The following LUZP2 variants were observed in gnomAD, a reference collection of about 807,000 sequenced individuals.
LUZP2 encodes the protein leucine zipper protein 2.
A neutral mutation model predicts 51.6 loss-of-function variants in LUZP2; 52 were observed. The observed-to-expected ratio is 1.01, with a 90% CI of 0.81 to 1.27. The LOEUF is 1.27. LUZP2 is among the 50% of genes most tolerant of loss of function. The pLI, the probability that LUZP2 is intolerant of heterozygous loss-of-function variation, is 0.00. For missense variants in LUZP2, 436 were observed against 395.4 expected (o/e 1.10, Z -0.87); for synonymous variants, 154 against 137.3 (o/e 1.12, Z -0.85).
At chr11:25,009,014 GTCT>G (rs1333509055) in intron 9 of LUZP2, among the ~76,000 whole-genome samples, 1 of 152,116 alleles carries the variant, frequency 6.6e-6, no homozygotes, top group Non-Finnish European at 1.5e-5. Flanking sequence ...CCACTCCTTT[GTCT>G]TCTTAGGAAT....
At chr11:24,639,823 C>G (rs1855222724) in intron 1 of LUZP2, among the ~76,000 whole-genome samples, 1 of 151,834 alleles carries the variant, frequency 6.6e-6, no homozygotes, top group South Asian at 2.1e-4. Flanking sequence ...TGGACATTCT[C>G]TCTCACTGCA....
intron 4 of LUZP2, among the ~76,000 whole-genome samples, chr11:24,741,835 A>G (rs1232762917): frequency 7.1e-6 from 1 of 141,048 alleles, no homozygotes; most frequent in Non-Finnish European, 1.5e-5. Flanking sequence ...ATATATTTAT[A>G]TATATTTATA....
chr11:25,035,226 G>C (rs2133997332), intron 9 of LUZP2, among the ~76,000 whole-genome samples: 1 of 152,088 alleles, frequency 6.6e-6, no homozygotes, highest in South Asian at 2.1e-4. Context: ...TATCCAAATA[G>C]AAAGAGAAGA....
intron 4 of LUZP2, among the ~76,000 whole-genome samples, chr11:24,741,639 C>CT (rs1859146332): frequency 6.6e-6 from 1 of 151,106 alleles, no homozygotes; most frequent in African/African-American, 2.4e-5. Context: ...AGCTTAGCTC[C>CT]CACATATCAG....
Position 25,080,866 on chromosome 11 carries a change from T to C in LUZP2, c.*2208T>C, listed in dbSNP as rs1859441155. 6.6e-6 allele frequency: 1 copy of C among 152,122 alleles called. No homozygotes were observed. Among genetic ancestry groups the C allele is most frequent in the African/African-American group, 2.4e-5 (1 of 41,440 alleles). The allele number at this position is 152,122 out of a possible 1,614,324, so 9.4% of individuals were successfully genotyped here. ...AAAAAAAAGAAGAATCAGGCTGTTA[T>C]TTCCTGAAATTGTTATGAGAGATAA... On this transcript the variant is annotated 3_prime_UTR_variant, in exon 12 of 12. Coordinates refer to ENST00000336930, the MANE Select transcript of LUZP2 (RefSeq NM_001009909.4).
chr11:24,542,810 A>G (rs1018093717), intron 1 of LUZP2, among the ~76,000 whole-genome samples: 2 of 152,170 alleles, frequency 1.3e-5, no homozygotes, highest in Middle Eastern at 3.4e-3. Context: ...GCAAAAGACT[A>G]CATTTATGTA....
chr11:24,542,220 T>A (rs1851389783), intron 1 of LUZP2, among the ~76,000 whole-genome samples: 1 of 152,038 alleles, frequency 6.6e-6, no homozygotes, highest in Non-Finnish European at 1.5e-5. Flanking sequence ...AACTACAGTA[T>A]TACTATCCTC....
intron 5 of LUZP2, among the ~76,000 whole-genome samples, chr11:24,826,190 A>AAATATAT (rs1215786412): frequency 6.5e-4 from 44 of 67,550 alleles, no homozygotes; most frequent in South Asian, 2.1e-3. Context: ...AAAAAAAAAA[A>AAATATAT]ATATATATAT....
chr11:24,595,939 T>G (rs558845642), intron 1 of LUZP2, among the ~76,000 whole-genome samples: 61 of 152,258 alleles, frequency 4.0e-4, no homozygotes, highest in African/African-American at 1.4e-3. Context: ...GTTGAGAAAT[T>G]TTTAGTAACA....
chr11:24,752,319 T>TA (rs549557283), intron 4 of LUZP2, among the ~76,000 whole-genome samples: 1 of 152,106 alleles, frequency 6.6e-6, no homozygotes, highest in Non-Finnish European at 1.5e-5. Flanking sequence ...AAGAAGACAA[T>TA]AAAGCAATGT....
intron 4 of LUZP2, among the ~76,000 whole-genome samples, chr11:24,751,114 T>C (rs1859566996): frequency 6.6e-6 from 1 of 152,150 alleles, no homozygotes; most frequent in Non-Finnish European, 1.5e-5. Context: ...TAAATGCATA[T>C]TTATATTGTT....
intron 5 of LUZP2, among the ~76,000 whole-genome samples, chr11:24,884,295 G>A (rs1852597341): frequency 6.6e-6 from 1 of 151,918 alleles, no homozygotes; most frequent in South Asian, 2.1e-4. Flanking sequence ...AATAAAGGAA[G>A]CTACAAGTCT....
At chr11:24,886,733 A>C (rs1228687293) in intron 5 of LUZP2, among the ~76,000 whole-genome samples, 1 of 152,308 alleles carries the variant, frequency 6.6e-6, no homozygotes, top group South Asian at 2.1e-4. Context: ...TGTGCATCTA[A>C]GAATTGCTGA....
chr11:24,842,782 T>A (rs1290720132), intron 5 of LUZP2, among the ~76,000 whole-genome samples: 1 of 151,898 alleles, frequency 6.6e-6, no homozygotes, highest in East Asian at 1.9e-4. Context: ...AATGTAGTTA[T>A]AATAACAATT....
chr11:24,840,947 G>A (rs1469997002), intron 5 of LUZP2, among the ~76,000 whole-genome samples: 1 of 151,986 alleles, frequency 6.6e-6, no homozygotes, highest in East Asian at 1.9e-4. Flanking sequence ...GAATATGATT[G>A]TTGAATTAAA....
rs1422495454 is a variant in LUZP2 at position 25,077,400 on chromosome 11, C to T, written c.930C>T (p.Ile310=). ...PSNATAETEP[I]PQKLQMPPCS... is the part of the protein sequence containing the mutation. The stretch of plus-strand genomic sequence containing the variant: ...ATGCCACTGCAGAAACCGAGCCTAT[C>T]CCACAGGTATGTGTTTGTTTTATTT... Residue 310 remains isoleucine (I), a synonymous_variant, in exon 11 of 12, where the codon ATC becomes ATT. Transcript: ENST00000336930. The T allele has an allele frequency of 6.2e-7, 1 of 1,602,902 alleles. No homozygotes were observed. The highest frequency in any genetic ancestry group is 8.5e-7 in the Non-Finnish European group (1 of 1,170,470).
At chr11:24,552,378 T>C (rs1851747507) in intron 1 of LUZP2, among the ~76,000 whole-genome samples, 1 of 152,022 alleles carries the variant, frequency 6.6e-6, no homozygotes, top group African/African-American at 2.4e-5. Context: ...GATAAAACTT[T>C]GTCAAAACAT....
At chr11:25,015,660 G>T (rs1024468758) in intron 9 of LUZP2, among the ~76,000 whole-genome samples, 1 of 152,058 alleles carries the variant, frequency 6.6e-6, no homozygotes, top group African/African-American at 2.4e-5. Flanking sequence ...CACGACAGAG[G>T]TGTGGTACAT....
At chr11:24,723,046 T>C (rs1994373) in intron 1 of LUZP2, among the ~76,000 whole-genome samples, 32,540 of 151,952 alleles carry the variant, frequency 0.21, 4,357 homozygotes, top group East Asian at 0.44. Flanking sequence ...TAACAAGCAA[T>C]GGGCAAACTA....
Sources: allele counts gnomAD v4.1 joint callset (sites outside exome capture counted in the v4.1 genomes callset), GRCh38; gene constraint gnomAD v4.1.1; transcripts MANE v1.5; gene names NCBI Gene and HGNC (gene_info 2026-07-23, HGNC 2026-07-21).